The following RELN variants were observed in gnomAD, a reference collection of about 807,000 sequenced individuals.
RELN encodes the protein reelin.
A neutral mutation model predicts 427.6 loss-of-function variants in RELN; 108 were observed. The ratio of observed to expected loss-of-function variants is 0.25; its 90% confidence interval spans 0.22 to 0.30. The LOEUF is 0.30. Among genes scored for constraint, RELN ranks in the 10% least tolerant of loss-of-function variants. The probability of loss-of-function intolerance (pLI) is 1.00; values close to 1 mark genes in which losing one functional copy is unlikely to be tolerated. For missense variants in RELN, 3,715 were observed against 4,302.8 expected, an observed-to-expected ratio of 0.86 and a Z score of 3.82; for synonymous variants, 1,524 against 1,513.4, an observed-to-expected ratio of 1.01 and a Z score of -0.16.
rs1831740528 is a variant in RELN at position 103,603,920 on chromosome 7, T to G, written c.3146+426A>C. Among the ~76,000 whole-genome samples, 1 of 152,236 alleles carries G rather than the reference T, an allele frequency of 6.6e-6. No individual in the cohort carries two copies. The highest frequency in any genetic ancestry group is 6.5e-5 in the Admixed American group (1 of 15,276). On this transcript the variant is annotated intron_variant, in intron 23 of 64. Coordinates refer to ENST00000428762, the MANE Select transcript of RELN (RefSeq NM_005045.4). This position sits in a 1 kb window ranked among gnomAD's most constrained non-coding sequence, Gnocchi z 4.3. The stretch of plus-strand genomic sequence containing the variant: ...ATTAAACTATGCCTTTTTTAGAGTC[T>G]TTAGGTATTCAAGTGTGTTCCTCTG...
chr7:103,677,599 C>G (rs1341510186), intron 11 of RELN, among the ~76,000 whole-genome samples: 1 of 150,150 alleles, frequency 6.7e-6, no homozygotes, highest in Non-Finnish European at 1.5e-5. Context: ...AATCCCGTCT[C>G]TACCAAAAGT....
intron 53 of RELN, among the ~76,000 whole-genome samples, chr7:103,499,998 T>TGAA (rs1828972266): frequency 6.6e-6 from 1 of 152,232 alleles, no homozygotes; most frequent in African/African-American, 2.4e-5. Flanking sequence ...ATTCCATAGT[T>TGAA]GAAGTATTAG....
intron 4 of RELN, among the ~76,000 whole-genome samples, chr7:103,763,958 C>T (rs1342556999): frequency 6.6e-6 from 1 of 152,030 alleles, no homozygotes; most frequent in African/African-American, 2.4e-5. Flanking sequence ...TGTAAATTGG[C>T]CTTAGACACA....
intron 3 of RELN, among the ~76,000 whole-genome samples, chr7:103,785,398 TAAAC>T (rs1361208090): frequency 6.6e-6 from 1 of 152,122 alleles, no homozygotes; most frequent in African/African-American, 2.4e-5. Context: ...GGATATGAAT[TAAAC>T]AGTCTGTAAA....
At chr7:103,711,825 T>G (rs1269048995) in intron 8 of RELN, among the ~76,000 whole-genome samples, 1 of 151,868 alleles carries the variant, frequency 6.6e-6, no homozygotes, top group Non-Finnish European at 1.5e-5. Context: ...CCTGGCTAAT[T>G]TTTTTGTATT....
intron 2 of RELN, among the ~76,000 whole-genome samples, chr7:103,857,450 C>T (rs750938123): frequency 1.3e-5 from 2 of 152,232 alleles, no homozygotes; most frequent in African/African-American, 2.4e-5. Context: ...CTCCATCCAA[C>T]ATGCAGGGGT....
Position 103,483,810 on chromosome 7 carries a change from T to C in RELN, c.10024A>G (p.Thr3342Ala). Reference protein sequence around the residue: ...FVLQIGSMSQTDSCNSDLSGP... With the variant: ...FVLQIGSMSQADSCNSDLSGP... ...CTCAGGTCACTGTTGCAGCTGTCCG[T>C]CTGCGACATGCTCCCAATTTGCAAA... Residue 3342 changes from threonine to alanine, a missense_variant, in exon 62 of 65, where the codon ACG becomes GCG. Thr to Ala is a moderately conservative substitution (Grantham distance 58). Transcript: ENST00000428762. The C allele has an allele frequency of 6.2e-7, 1 of 1,614,058 alleles. No homozygotes were observed. Among genetic ancestry groups the C allele is most frequent in the South Asian group, 1.1e-5 (1 of 91,086 alleles).
chr7:103,943,503 C>G (rs546010419), intron 1 of RELN, among the ~76,000 whole-genome samples: 1 of 151,892 alleles, frequency 6.6e-6, no homozygotes, highest in Non-Finnish European at 1.5e-5. Context: ...CTAACTATAC[C>G]CTCCAGAGAA....
intron 28 of RELN, among the ~76,000 whole-genome samples, chr7:103,580,333 T>C (rs1303175968): frequency 6.6e-6 from 1 of 152,238 alleles, no homozygotes; most frequent in Non-Finnish European, 1.5e-5. Flanking sequence ...GGGCTCTTCA[T>C]CACAAATGCC....
intron 1 of RELN, among the ~76,000 whole-genome samples, chr7:103,949,307 T>C (rs971299115): frequency 2.2e-4 from 34 of 152,052 alleles, no homozygotes; most frequent in African/African-American, 8.2e-4. Flanking sequence ...ATGGACTAAA[T>C]GTTTGTGCCT....
chr7:103,483,937 T>A (rs1278173248), intron 61 of RELN, 87 bp from the exon 62 acceptor site: 19 of 1,319,740 alleles, frequency 1.4e-5, no homozygotes, highest in Admixed American at 2.0e-5. Flanking sequence ...TGGAGTACAG[T>A]GGTGTGATCT....
At chr7:103,566,845 A>T (rs746750378) in intron 31 of RELN, 86 bp from the exon 32 acceptor site, 10 of 1,313,502 alleles carry the variant, frequency 7.6e-6, no homozygotes, top group Non-Finnish European at 1.1e-5. Context: ...GACTGCAGCA[A>T]CCTCAAATTG....
chr7:103,727,725 CT>C (rs1206184851), intron 7 of RELN, among the ~76,000 whole-genome samples: 1 of 152,110 alleles, frequency 6.6e-6, no homozygotes, highest in African/African-American at 2.4e-5. Flanking sequence ...AGTGATAAAA[CT>C]GAACATCTAA....
chr7:103,665,287 A>G (rs1833236559), intron 11 of RELN, among the ~76,000 whole-genome samples: 1 of 151,414 alleles, frequency 6.6e-6, no homozygotes, highest in Non-Finnish European at 1.5e-5. Flanking sequence ...TTCCTCCATT[A>G]GTCTATATGT....
intron 8 of RELN, among the ~76,000 whole-genome samples, chr7:103,716,123 C>T (rs952998110): frequency 2.0e-5 from 3 of 152,170 alleles, no homozygotes; most frequent in African/African-American, 4.8e-5. Flanking sequence ...GTGCCATTCC[C>T]GTAACCTTCA....
chr7:103,962,005 C>T (rs915787579), intron 1 of RELN, among the ~76,000 whole-genome samples: 2 of 152,132 alleles, frequency 1.3e-5, no homozygotes, highest in African/African-American at 4.8e-5. Flanking sequence ...GAAGCCTTCT[C>T]AAAGTTCTCT....
At chr7:103,535,509 A>G in intron 45 of RELN, 25 bp from the exon 46 acceptor site, 7 of 1,594,842 alleles carry the variant, frequency 4.4e-6, no homozygotes, top group Non-Finnish European at 5.2e-6. Flanking sequence ...ATTATTTTGG[A>G]TATAAACACA....
chr7:103,856,942 T>C (rs1378828719), intron 2 of RELN, among the ~76,000 whole-genome samples: 2 of 152,150 alleles, frequency 1.3e-5, no homozygotes, highest in Non-Finnish European at 2.9e-5. Flanking sequence ...CTGGCTAAGG[T>C]AAACTCTGAA....
At chr7:103,711,462 T>G (rs61328831) in intron 8 of RELN, among the ~76,000 whole-genome samples, 1 of 152,080 alleles carries the variant, frequency 6.6e-6, no homozygotes, top group Non-Finnish European at 1.5e-5. Context: ...TTTTCCACTT[T>G]GCTTAGCACG....
Sources: allele counts gnomAD v4.1 joint callset (sites outside exome capture counted in the v4.1 genomes callset), GRCh38; gene constraint gnomAD v4.1.1; non-coding constraint Gnocchi (gnomAD v3.1); transcripts MANE v1.5; gene names NCBI Gene and HGNC (gene_info 2026-07-23, HGNC 2026-07-21).